Variants in SLC2A13 observed in about 807,000 individuals in gnomAD.
SLC2A13 encodes the protein solute carrier family 2 member 13.
SLC2A13 carries 32 observed loss-of-function variants against 64.4 expected under a neutral mutation model. That is an observed-to-expected ratio of 0.50 (90% CI 0.37 to 0.67). SLC2A13 has a LOEUF of 0.67. SLC2A13 is among the 30% of genes least tolerant of loss of function. The pLI, the probability that SLC2A13 is intolerant of heterozygous loss-of-function variation, is 0.00. For missense variants in SLC2A13, 743 were observed against 829.2 expected, an observed-to-expected ratio of 0.90 and a Z score of 1.28; for synonymous variants, 338 against 327.1, an observed-to-expected ratio of 1.03 and a Z score of -0.36.
At chr12:39,895,243 T>C (rs754726615) in intron 4 of SLC2A13, among the ~76,000 whole-genome samples, 17 of 151,664 alleles carry the variant, frequency 1.1e-4, no homozygotes, top group Non-Finnish European at 2.1e-4. Flanking sequence ...GAATAAGTCA[T>C]TTAAAAAAAG....
At position 39,972,015 on chromosome 12, in the gene SLC2A13, T is replaced by TATATATATA. The variant is rs1491210436; in HGVS notation, c.926-20651_926-20650insTATATATAT. On this transcript the variant is annotated intron_variant, in intron 3 of 9. Transcript: ENST00000280871. Reference sequence around the variant, plus strand: ...AAAAAAAAATATATATATATATATATTTTTTTTTATATAAATATATATATA... The same window carrying TATATATATA: ...AAAAAAAAATATATATATATATATATATATATATATTTTTTTTATATAAATATATATATA... Among the ~76,000 whole-genome samples, 240 of 80,882 alleles carry TATATATATA rather than the reference T, an allele frequency of 3.0e-3. 5 individuals carry two copies. The highest frequency in any genetic ancestry group is 0.023 in the Middle Eastern group (3 of 128). 53.1% of individuals were successfully genotyped at this position (80,882 alleles called of 152,430 possible).
intron 2 of SLC2A13, among the ~76,000 whole-genome samples, chr12:40,037,732 A>G (rs951692970): frequency 6.6e-5 from 10 of 152,082 alleles, no homozygotes; most frequent in Non-Finnish European, 1.3e-4. Context: ...GGATACTCAA[A>G]TTTTCCATTT....
At chr12:39,785,994 C>G (rs1257091051) in intron 7 of SLC2A13, among the ~76,000 whole-genome samples, 1 of 152,174 alleles carries the variant, frequency 6.6e-6, no homozygotes, top group East Asian at 1.9e-4. Flanking sequence ...AGGGACTTGC[C>G]TCGTCTCAGA....
At chr12:39,881,895 C>T (rs1944344295) in intron 4 of SLC2A13, among the ~76,000 whole-genome samples, 1 of 152,076 alleles carries the variant, frequency 6.6e-6, no homozygotes, top group Non-Finnish European at 1.5e-5. Flanking sequence ...CTTCTCCATT[C>T]TTACCCCTGT....
chr12:40,013,125 A>C (rs1417349763), intron 3 of SLC2A13, among the ~76,000 whole-genome samples: 1 of 152,176 alleles, frequency 6.6e-6, no homozygotes, highest in Admixed American at 6.6e-5. Context: ...GGCTTCCAAA[A>C]CCAAGTGCAA....
At chr12:39,776,878 T>C (rs1231126867) in intron 7 of SLC2A13, among the ~76,000 whole-genome samples, 1 of 152,220 alleles carries the variant, frequency 6.6e-6, no homozygotes, top group Non-Finnish European at 1.5e-5. Context: ...ATCCTGATTT[T>C]GAATTAATAA....
chr12:39,851,096 C>T (rs1943454389), intron 6 of SLC2A13, among the ~76,000 whole-genome samples: 1 of 152,052 alleles, frequency 6.6e-6, no homozygotes, highest in Admixed American at 6.6e-5. Context: ...GATGGGGTTT[C>T]ACTATGTTGG....
intron 2 of SLC2A13, among the ~76,000 whole-genome samples, chr12:40,041,774 G>C (rs544931740): frequency 6.6e-6 from 1 of 152,322 alleles, no homozygotes; most frequent in Non-Finnish European, 1.5e-5. Context: ...AGAGGCGAGA[G>C]CCCCAGTTAG....
Position 40,048,081 on chromosome 12 carries a change from G to T in SLC2A13, c.686C>A (p.Ala229Asp). Residue 229 changes from alanine (A) to aspartate (D), a missense_variant, in exon 2 of 10, where the codon GCC (alanine) becomes GAC (aspartate). Physicochemically the swap from Ala to Asp is moderately radical, Grantham distance 126. Coordinates refer to ENST00000280871, the MANE Select transcript of SLC2A13 (RefSeq NM_052885.4). ...GQFFASVVDG[A>D]FSYLQKDGWR... Reference sequence around the variant, plus strand: ...TCCATCCTTCTGGAGATAACTGAAGGCTCCATCAACAACACTTGCAAAGAA... The same window carrying T: ...TCCATCCTTCTGGAGATAACTGAAGTCTCCATCAACAACACTTGCAAAGAA... 6.2e-7 allele frequency: 1 copy of T among 1,612,100 alleles called. No individual in the cohort carries two copies. Among genetic ancestry groups the T allele is most frequent in the Non-Finnish European group, 8.5e-7 (1 of 1,179,388 alleles).
intron 7 of SLC2A13, among the ~76,000 whole-genome samples, chr12:39,788,961 G>A (rs763025198): frequency 1.8e-4 from 28 of 151,988 alleles, no homozygotes; most frequent in Admixed American, 1.1e-3. Flanking sequence ...GTGTGTGTGC[G>A]CAAACAAAAT....
chr12:39,792,691 T>G (rs1033910260), intron 7 of SLC2A13, among the ~76,000 whole-genome samples: 1 of 152,094 alleles, frequency 6.6e-6, no homozygotes, highest in African/African-American at 2.4e-5. Context: ...AAAAGTCAGA[T>G]ATAGATACCA....
chr12:39,796,047 TC>T (rs1160202328), intron 7 of SLC2A13, among the ~76,000 whole-genome samples: 1 of 151,950 alleles, frequency 6.6e-6, no homozygotes, highest in East Asian at 1.9e-4. Flanking sequence ...AAACCTCTTC[TC>T]CCCCCAGCCT....
At chr12:39,878,232 G>A (rs533697917) in intron 4 of SLC2A13, among the ~76,000 whole-genome samples, 1 of 152,318 alleles carries the variant, frequency 6.6e-6, no homozygotes, top group East Asian at 1.9e-4. Flanking sequence ...GATACCAGGG[G>A]TGAAGCATTG....
chr12:39,968,049 TC>T, intron 3 of SLC2A13, among the ~76,000 whole-genome samples: 1 of 152,276 alleles, frequency 6.6e-6, no homozygotes, highest in East Asian at 1.9e-4. Context: ...TCCTATAGCT[TC>T]CCTCCTGTAT....
chr12:39,812,347 C>CTTTTCTT (rs1566818829), intron 7 of SLC2A13, among the ~76,000 whole-genome samples: 1 of 101,220 alleles, frequency 9.9e-6, no homozygotes, highest in South Asian at 3.3e-4. Context: ...TTTTTCTTTT[C>CTTTTCTT]TTTTCTTTTC....
intron 5 of SLC2A13, among the ~76,000 whole-genome samples, chr12:39,868,208 T>C (rs1943955776): frequency 7.2e-5 from 11 of 152,204 alleles, no homozygotes; most frequent in Admixed American, 7.2e-4. Flanking sequence ...TTTTGGCATG[T>C]TCTTTATGTT....
intron 9 of SLC2A13, among the ~76,000 whole-genome samples, chr12:39,762,024 G>A (rs1940171720): frequency 6.6e-6 from 1 of 152,050 alleles, no homozygotes; most frequent in Admixed American, 6.6e-5. Flanking sequence ...TTGTGACCTG[G>A]ATTCCCAAAG....
chr12:39,805,056 G>GAGGGAGAAGCCTGCTGA (rs1941929929), intron 7 of SLC2A13, among the ~76,000 whole-genome samples: 1 of 152,064 alleles, frequency 6.6e-6, no homozygotes, highest in Non-Finnish European at 1.5e-5. Flanking sequence ...AAGCCTGCTG[G>GAGGGAGAAGCCTGCTGA]AGAGAGAAGC....
chr12:39,849,447 A>C (rs1943407149), intron 6 of SLC2A13, among the ~76,000 whole-genome samples: 1 of 152,180 alleles, frequency 6.6e-6, no homozygotes, highest in Non-Finnish European at 1.5e-5. Flanking sequence ...ACAGAAGCTC[A>C]GTAATGTCAA....
Sources: gnomAD v4.1 joint callset for allele counts (sites outside exome capture counted in the v4.1 genomes callset) on GRCh38, gnomAD v4.1.1 for gene constraint, MANE v1.5 for transcripts, NCBI Gene and HGNC (gene_info 2026-07-23, HGNC 2026-07-21) for gene names.